PRKN: variants seen among roughly 807,000 people sequenced by gnomAD.
PRKN encodes the protein E3 ubiquitin-protein ligase parkin.
In PRKN, 56 loss-of-function variants were observed where a neutral mutation model predicts 59.5. That is an observed-to-expected ratio of 0.94 (90% CI 0.76 to 1.18). The LOEUF (loss-of-function observed/expected upper bound fraction) is 1.18, where lower values mean the gene tolerates loss of function less well. PRKN is among the 50% of genes most tolerant of loss of function. The pLI is 0.00. For synonymous variants in PRKN, 250 were observed against 222.1 expected (o/e 1.13, Z -1.12); for missense variants, 657 against 596.4 (o/e 1.10, Z -1.06).
At position 162,583,828 on chromosome 6, in the gene PRKN, C is replaced by T. The variant is rs906867027; in HGVS notation, c.8-140355G>A. ...TAAAACAACCCTCAGAAAAGCCATA[C>T]AAAAATATAACCCACCACTATCCTC... On this transcript the variant is annotated intron_variant, in intron 1 of 11. Transcript: ENST00000366898. Among the ~76,000 whole-genome samples the T allele has an allele frequency of 8.5e-5, 13 of 152,222 alleles. No homozygotes were observed. In the South Asian group the frequency reaches 2.7e-3, roughly 32 times the overall value.
At chr6:161,374,800 T>C (rs1259476472) in intron 10 of PRKN, among the ~76,000 whole-genome samples, 1 of 151,838 alleles carries the variant, frequency 6.6e-6, no homozygotes, top group East Asian at 1.9e-4. Flanking sequence ...ATTTTCCACA[T>C]TGCGAACTTG....
chr6:161,459,194 C>A lies in PRKN; in HGVS notation c.1084-72317G>T, dbSNP rs117216002. On this transcript the variant is annotated intron_variant, in intron 9 of 11. Coordinates refer to ENST00000366898, the MANE Select transcript of PRKN (RefSeq NM_004562.3). This position sits in a 1 kb window ranked among gnomAD's most constrained non-coding sequence, Gnocchi z 4.8. ...CATTTTTCAGGTAAGACTTGTTCTC[C>A]AGGTTAATTACAGTGGAAACCTGAT... 1.7e-3 allele frequency among the ~76,000 whole-genome samples: 265 copies of A among 152,224 alleles called. 2 individuals are homozygous for A. The highest frequency in any genetic ancestry group is 6.8e-3 in the Middle Eastern group (2 of 294).
rs200309052 is a variant in PRKN at position 161,757,546 on chromosome 6, AAGAT to A, written c.871+28222_871+28225del. Reference sequence around the variant, plus strand: ...AGAGAATGGCAAATAAACACATAAAAAGATAGTCAGGCCAGGCGCAGTGGCTTAT... The same window carrying A: ...AGAGAATGGCAAATAAACACATAAAAAGTCAGGCCAGGCGCAGTGGCTTAT... On this transcript the variant is annotated intron_variant, in intron 7 of 11. Transcript: ENST00000366898. 2.9e-3 allele frequency among the ~76,000 whole-genome samples: 442 copies of A among 152,206 alleles called. 2 individuals carry two copies. The highest frequency in any genetic ancestry group is 0.01 in the African/African-American group (419 of 41,542).
intron 7 of PRKN, among the ~76,000 whole-genome samples, chr6:161,755,480 T>C (rs1788877754): frequency 6.6e-6 from 1 of 152,084 alleles, no homozygotes; most frequent in Non-Finnish European, 1.5e-5. Flanking sequence ...TATATTCCTA[T>C]TATGTGAAAA....
intron 1 of PRKN, among the ~76,000 whole-genome samples, chr6:162,577,715 G>A (rs1780619127): frequency 6.6e-6 from 1 of 152,150 alleles, no homozygotes; most frequent in Non-Finnish European, 1.5e-5. Flanking sequence ...GATTACTCGA[G>A]ACCAGGGGTT....
At chr6:161,872,464 C>G (rs897286233) in intron 6 of PRKN, among the ~76,000 whole-genome samples, 8 of 152,244 alleles carry the variant, frequency 5.3e-5, no homozygotes, top group Admixed American at 3.9e-4. Context: ...ATAAATTTGT[C>G]TTAATTAATG....
intron 2 of PRKN, chr6:162,271,520 G>A (rs1265331266): frequency 6.6e-6 from 1 of 151,162 alleles, no homozygotes; most frequent in Admixed American, 6.6e-5. Flanking sequence ...TCCAGCCTGG[G>A]TGACAGAGCG....
intron 7 of PRKN, among the ~76,000 whole-genome samples, chr6:161,657,918 A>C (rs1784407607): frequency 6.7e-6 from 1 of 148,332 alleles, no homozygotes; most frequent in Non-Finnish European, 1.5e-5. Context: ...CGGGAGGCTG[A>C]GGCAGGAGAA....
chr6:161,936,572 G>C (rs771119102), intron 6 of PRKN, among the ~76,000 whole-genome samples: 1 of 152,010 alleles, frequency 6.6e-6, no homozygotes, highest in Non-Finnish European at 1.5e-5. Flanking sequence ...GCCAAATAAA[G>C]AAAACGTCTG....
chr6:161,806,811 C>T (rs941864594), intron 6 of PRKN, among the ~76,000 whole-genome samples: 1 of 152,290 alleles, frequency 6.6e-6, no homozygotes, highest in South Asian at 2.1e-4. Flanking sequence ...GACCCTTCTT[C>T]AAGAGGCCAT....
At chr6:161,427,159 C>T (rs755568936) in intron 9 of PRKN, among the ~76,000 whole-genome samples, 3 of 152,092 alleles carry the variant, frequency 2.0e-5, no homozygotes, top group Non-Finnish European at 4.4e-5. Flanking sequence ...GCTGGGACTA[C>T]TGATATGCAC....
intron 4 of PRKN, among the ~76,000 whole-genome samples, chr6:162,113,425 A>T (rs1215167674): frequency 6.6e-6 from 1 of 152,206 alleles, no homozygotes. Flanking sequence ...TTATGCTATT[A>T]AACAAGATAT....
At chr6:162,181,169 CG>C (rs1783788716) in intron 4 of PRKN, among the ~76,000 whole-genome samples, 1 of 152,130 alleles carries the variant, frequency 6.6e-6, no homozygotes, top group Non-Finnish European at 1.5e-5. Context: ...TTGACCCAGT[CG>C]GGGGTGACGT....
chr6:162,520,511 T>C (rs1158631015), intron 1 of PRKN, among the ~76,000 whole-genome samples: 1 of 152,188 alleles, frequency 6.6e-6, no homozygotes, highest in Non-Finnish European at 1.5e-5. Context: ...CTCATAATCA[T>C]TTAGCCTGTG....
intron 2 of PRKN, among the ~76,000 whole-genome samples, chr6:162,304,040 A>G (rs920843019): frequency 1.3e-5 from 2 of 151,974 alleles, no homozygotes; most frequent in East Asian, 1.9e-4. Context: ...AAACAAATAA[A>G]CCTAATTATA....
chr6:161,411,544 G>A (rs1267897731), intron 9 of PRKN, among the ~76,000 whole-genome samples: 1 of 152,182 alleles, frequency 6.6e-6, no homozygotes. Flanking sequence ...GGGCCATGGC[G>A]ACAGGGATGC....
intron 9 of PRKN, among the ~76,000 whole-genome samples, chr6:161,523,288 C>T (rs1317695549): frequency 6.6e-6 from 1 of 152,086 alleles, no homozygotes; most frequent in Non-Finnish European, 1.5e-5. Flanking sequence ...AACGTTTTGG[C>T]AATATCTACT....
At position 161,526,731 on chromosome 6, in the gene PRKN, T is replaced by C. The variant is rs186267299; in HGVS notation, c.1083+22123A>G. 6.6e-6 allele frequency among the ~76,000 whole-genome samples: 1 copy of C among 152,178 alleles called. No individual in the cohort carries two copies. Among genetic ancestry groups the C allele is most frequent in the African/African-American group, 2.4e-5 (1 of 41,462 alleles). On this transcript the variant is annotated intron_variant, in intron 9 of 11. Transcript: ENST00000366898. This position sits in a 1 kb window ranked among gnomAD's most constrained non-coding sequence, Gnocchi z 4.1. ...TGTAGGGGACAGAAAAGACTTTCTT[T>C]ATCCTCTGAAGGTTCGATAATGTAG...
At position 161,575,741 on chromosome 6, in the gene PRKN, T is replaced by C. The variant is rs990101019; in HGVS notation, c.872-6325A>G. Among the ~76,000 whole-genome samples the C allele has an allele frequency of 6.6e-6, 1 of 152,210 alleles. No individual in the cohort carries two copies. The highest frequency in any genetic ancestry group is 1.5e-5 in the Non-Finnish European group (1 of 68,040). ...ACACAAATAATCTGCAATTTGCAGATTGCTGCTGTTTGGTGCGAAACGCTT... is the reference window on the plus strand; with the variant it reads ...ACACAAATAATCTGCAATTTGCAGACTGCTGCTGTTTGGTGCGAAACGCTT... On this transcript the variant is annotated intron_variant, in intron 7 of 11. Transcript: ENST00000366898. The surrounding 1 kb of genome is among the most constrained non-coding windows in gnomAD (Gnocchi z 4.6).
Sources: gnomAD v4.1 joint callset for allele counts (sites outside exome capture counted in the v4.1 genomes callset) on GRCh38, gnomAD v4.1.1 for gene constraint, Gnocchi (gnomAD v3.1) non-coding constraint, MANE v1.5 for transcripts, NCBI Gene and HGNC (gene_info 2026-07-23, HGNC 2026-07-21) for gene names.